SHISA9: variants seen among roughly 807,000 people sequenced by gnomAD.
SHISA9 encodes protein shisa-9.
A neutral mutation model predicts 38.0 loss-of-function variants in SHISA9; 13 were observed. That is an observed-to-expected ratio of 0.34 (90% CI 0.22 to 0.54). The LOEUF is 0.54. SHISA9 is among the 20% of genes least tolerant of loss of function. The pLI, the probability that SHISA9 is intolerant of heterozygous loss-of-function variation, is 0.91. For missense variants in SHISA9, 538 were observed against 575.8 expected (o/e 0.93, Z 0.67); for synonymous variants, 275 against 242.0 (o/e 1.14, Z -1.27).
chr16:13,273,283 G>T, the SHISA9 span, among the ~76,000 whole-genome samples: 1 of 152,160 alleles, frequency 6.6e-6, no homozygotes, highest in Non-Finnish European at 1.5e-5. Context: ...TCAGATCTGT[G>T]ACTGTGGACA....
At chr16:13,050,728 A>T (rs544740015) in intron 2 of SHISA9, among the ~76,000 whole-genome samples, 28 of 152,342 alleles carry the variant, frequency 1.8e-4, no homozygotes, top group African/African-American at 6.5e-4. Context: ...CAGGCCATGG[A>T]AGAGTTACCT....
At chr16:13,357,471 A>G in the SHISA9 span, among the ~76,000 whole-genome samples, 2 of 152,294 alleles carry the variant, frequency 1.3e-5, no homozygotes, top group East Asian at 3.9e-4. Context: ...GGTGGGTCTG[A>G]GGACTTGAGG....
intron 2 of SHISA9, among the ~76,000 whole-genome samples, chr16:12,943,676 T>A (rs2071652250): frequency 1.3e-5 from 2 of 152,178 alleles, no homozygotes; most frequent in Non-Finnish European, 2.9e-5. Context: ...TGGAATGTGC[T>A]GGAGGTAGAA....
the SHISA9 span, among the ~76,000 whole-genome samples, chr16:13,358,690 GA>G: frequency 1.3e-5 from 2 of 152,290 alleles, no homozygotes; most frequent in African/African-American, 2.4e-5. Context: ...AAGGCCTCCA[GA>G]TAGAGAAAGA....
chr16:13,128,076 C>T (rs1385047936), intron 2 of SHISA9, among the ~76,000 whole-genome samples: 1 of 152,144 alleles, frequency 6.6e-6, no homozygotes, highest in Non-Finnish European at 1.5e-5. Flanking sequence ...TAATTAGATG[C>T]CCAGACGGAG....
intron 2 of SHISA9, among the ~76,000 whole-genome samples, chr16:12,970,389 G>GTATATATATA (rs143875033): frequency 2.9e-5 from 1 of 34,712 alleles, no homozygotes; most frequent in South Asian, 9.3e-4. Flanking sequence ...ATACATATAT[G>GTATATATATA]TATATATATA....
At chr16:13,090,364 C>G (rs2073760644) in intron 2 of SHISA9, among the ~76,000 whole-genome samples, 1 of 152,016 alleles carries the variant, frequency 6.6e-6, no homozygotes, top group Non-Finnish European at 1.5e-5. Flanking sequence ...CCTCGTTAAC[C>G]TTCTGTCTCA....
the SHISA9 span, among the ~76,000 whole-genome samples, chr16:13,433,658 T>A: frequency 0.27 from 41,296 of 151,984 alleles, 6,714 homozygotes; most frequent in South Asian, 0.5. Context: ...AATATTAATA[T>A]AACACAAAAG....
intron 1 of SHISA9, among the ~76,000 whole-genome samples, chr16:12,903,320 A>T (rs1029102803): frequency 3.9e-5 from 6 of 152,086 alleles, no homozygotes; most frequent in African/African-American, 1.2e-4. Context: ...ATCGCTGCAG[A>T]TTGAGCCCCT....
chr16:13,315,073 C>T, the SHISA9 span, among the ~76,000 whole-genome samples: 1 of 115,400 alleles, frequency 8.7e-6, no homozygotes, highest in Non-Finnish European at 2.0e-5. Context: ...TGTGTGCACC[C>T]TTGTCAAATA....
chr16:13,059,788 C>T (rs2141908924), intron 2 of SHISA9, among the ~76,000 whole-genome samples: 1 of 152,176 alleles, frequency 6.6e-6, no homozygotes, highest in South Asian at 2.1e-4. Context: ...TCCAGTATGA[C>T]TGATGTTCTT....
At chr16:13,249,243 A>G in the SHISA9 span, among the ~76,000 whole-genome samples, 1 of 152,186 alleles carries the variant, frequency 6.6e-6, no homozygotes, top group Non-Finnish European at 1.5e-5. Flanking sequence ...TTGGTTCATA[A>G]AAGCAGGACG....
chr16:13,037,221 C>A (rs1457081043), intron 2 of SHISA9, among the ~76,000 whole-genome samples: 1 of 151,860 alleles, frequency 6.6e-6, no homozygotes, highest in East Asian at 1.9e-4. Flanking sequence ...TGGTGTTTTG[C>A]TCCCAGGGCG....
At chr16:13,477,952 G>A in the SHISA9 span, among the ~76,000 whole-genome samples, 5 of 152,290 alleles carry the variant, frequency 3.3e-5, no homozygotes, top group Middle Eastern at 3.4e-3. Context: ...GAAACAGAGC[G>A]AGACTCCATC....
At chr16:13,487,622 C>A in the SHISA9 span, among the ~76,000 whole-genome samples, 2 of 152,198 alleles carry the variant, frequency 1.3e-5, no homozygotes, top group African/African-American at 4.8e-5. Flanking sequence ...GATTATAATT[C>A]AACATGAGAT....
chr16:13,311,655 C>T, the SHISA9 span, among the ~76,000 whole-genome samples: 2 of 152,046 alleles, frequency 1.3e-5, no homozygotes, highest in Non-Finnish European at 2.9e-5. Flanking sequence ...AATGTCCACT[C>T]CAGACTATCT....
the SHISA9 span, among the ~76,000 whole-genome samples, chr16:13,541,591 A>G: frequency 9.2e-5 from 14 of 152,226 alleles, no homozygotes; most frequent in African/African-American, 2.9e-4. Context: ...GACTCTTCTA[A>G]GAAAAGAGCA....
At chr16:13,267,875 G>GTT in the SHISA9 span, among the ~76,000 whole-genome samples, 762 of 137,424 alleles carry the variant, frequency 5.5e-3, 2 homozygotes, top group African/African-American at 0.014. Context: ...TGTTTCTCAG[G>GTT]TTTTTTTTTT....
chr16:13,444,982 CTATATATATATATATATATA>C, the SHISA9 span, among the ~76,000 whole-genome samples: 5,060 of 106,264 alleles, frequency 0.048, 262 homozygotes, highest in African/African-American at 0.068. Flanking sequence ...CCATGCCTAG[CTATATATATATATATATATA>C]TATATATATA....
Sources: allele counts gnomAD v4.1 joint callset (sites outside exome capture counted in the v4.1 genomes callset), GRCh38; gene constraint gnomAD v4.1.1; transcripts MANE v1.5; gene names NCBI Gene and HGNC (gene_info 2026-07-23, HGNC 2026-07-21).